The following NIPAL2 variants were observed in gnomAD, a reference collection of about 807,000 sequenced individuals.
NIPAL2 encodes the protein NIPA-like protein 2.
In NIPAL2, 43 loss-of-function variants were observed where a neutral mutation model predicts 48.9. The observed-to-expected ratio is 0.88, with a 90% CI of 0.69 to 1.13. The LOEUF (loss-of-function observed/expected upper bound fraction) is 1.13. Ranked by LOEUF, NIPAL2 falls within the 50% of genes most tolerant of loss-of-function variation. NIPAL2 has a pLI of 0.00. For synonymous variants in NIPAL2, 167 were observed against 174.6 expected (o/e 0.96, Z 0.34); for missense variants, 446 against 461.4 (o/e 0.97, Z 0.31).
rs748836913 is a variant in NIPAL2 at position 98,294,141 on chromosome 8, G to T, written c.-4C>A. ...CCGCGGGCGCCACCGCTGCCATGAG[G>T]TCTCGCTCCCGGCGCTCGGGCTCCG... On this transcript the variant is annotated 5_prime_UTR_variant, in exon 1 of 11. Transcript: ENST00000430223. 1.4e-5 allele frequency: 20 copies of T among 1,406,324 alleles called. No individual in the cohort carries two copies. The South Asian group carries it at 1.9e-4, about 13-fold the overall frequency. 87.1% of individuals were successfully genotyped at this position (1,406,324 alleles called of 1,614,324 possible).
At chr8:98,209,434 C>A (rs1268884754) in intron 6 of NIPAL2, among the ~76,000 whole-genome samples, 5 of 119,690 alleles carry the variant, frequency 4.2e-5, no homozygotes, top group African/African-American at 1.3e-4. Flanking sequence ...CATGGGGATA[C>A]CCTGTCTCTC....
chr8:98,261,157 A>C (rs942439874), intron 1 of NIPAL2, among the ~76,000 whole-genome samples: 1 of 151,346 alleles, frequency 6.6e-6, no homozygotes, highest in African/African-American at 2.4e-5. Context: ...CCAAAAGTAG[A>C]TAAAACCACA....
At chr8:98,204,974 G>A in intron 7 of NIPAL2, 137 bp downstream of exon 7, 1 of 895,238 alleles carries the variant, frequency 1.1e-6, no homozygotes, top group Non-Finnish European at 1.8e-6. Flanking sequence ...CATGTTGGCT[G>A]AGGACAAGCT....
chr8:98,262,414 A>G (rs1265784156), intron 1 of NIPAL2, among the ~76,000 whole-genome samples: 1 of 150,110 alleles, frequency 6.7e-6, no homozygotes, highest in Non-Finnish European at 1.5e-5. Flanking sequence ...CATAGGCTCA[A>G]AATAAAAGGA....
In NIPAL2 at chr8:98,192,871, G is replaced by T; in HGVS notation, c.*107C>A. 1 of 712,432 alleles carries T rather than the reference G, an allele frequency of 1.4e-6. No individual in the cohort carries two copies. Among genetic ancestry groups the T allele is most frequent in the South Asian group, 1.6e-5 (1 of 63,738 alleles). The allele number at this position is 712,432 out of a possible 1,614,324, so 44.1% of individuals were successfully genotyped here. Reference sequence around the variant, plus strand: ...GGTGGGGGAAAGGACTGAAATGAATGCTAGCACATGTTAGCTTATAAAAGA... The same window carrying T: ...GGTGGGGGAAAGGACTGAAATGAATTCTAGCACATGTTAGCTTATAAAAGA... On this transcript the variant is annotated 3_prime_UTR_variant, in exon 11 of 11. Coordinates refer to ENST00000430223, the MANE Select transcript of NIPAL2 (RefSeq NM_001321635.2).
chr8:98,294,111 G>C lies in NIPAL2; in HGVS notation c.27C>G (p.Pro9=). 6.8e-7 allele frequency: 1 copy of C among 1,475,212 alleles called. No homozygotes were observed. The highest frequency in any genetic ancestry group is 1.3e-5 in the South Asian group (1 of 76,176). The allele number at this position is 1,475,212 out of a possible 1,614,324, so 91.4% of individuals were successfully genotyped here. The part of the protein sequence containing the change: MAAVAPAG[P]GDSASAALDE... ...CCAGGGCGGCCGAGGCGGAGTCCCC[G>C]GGGCCCGCGGGCGCCACCGCTGCCA... The change falls in exon 1 of 11, where the codon CCC becomes CCG. Residue 9 remains proline (P), a synonymous_variant. Transcript: ENST00000430223.
intron 4 of NIPAL2, among the ~76,000 whole-genome samples, chr8:98,230,252 T>C (rs1035835277): frequency 2.2e-4 from 34 of 152,096 alleles, no homozygotes; most frequent in African/African-American, 7.7e-4. Flanking sequence ...AGCATCCTCA[T>C]TGGGGATTAA....
intron 1 of NIPAL2, among the ~76,000 whole-genome samples, chr8:98,269,130 A>G (rs1358199042): frequency 3.3e-5 from 5 of 152,126 alleles, no homozygotes; most frequent in African/African-American, 1.2e-4. Flanking sequence ...GTTACTTCCT[A>G]CACTAAGTCT....
chr8:98,235,623 TA>T (rs1812668796), intron 4 of NIPAL2, among the ~76,000 whole-genome samples: 1 of 151,770 alleles, frequency 6.6e-6, no homozygotes, highest in African/African-American at 2.4e-5. Flanking sequence ...ATGGTGTTCA[TA>T]AAATTTTATA....
intron 1 of NIPAL2, among the ~76,000 whole-genome samples, chr8:98,280,761 T>TATATATAGAGAGAGAGAGAGAG: frequency 1.0e-3 from 31 of 30,016 alleles, no homozygotes; most frequent in East Asian, 3.1e-3. Context: ...TATATATATA[T>TATATATAGAGAGAGAGAGAGAG]AGAGAGAGAG....
chr8:98,201,578 C>A (rs1810802449), intron 8 of NIPAL2, among the ~76,000 whole-genome samples: 1 of 151,982 alleles, frequency 6.6e-6, no homozygotes, highest in Non-Finnish European at 1.5e-5. Flanking sequence ...TTAGAGATGA[C>A]ATCTTGCTAT....
chr8:98,200,942 T>C (rs994058195), intron 8 of NIPAL2, among the ~76,000 whole-genome samples: 1 of 152,250 alleles, frequency 6.6e-6, no homozygotes, highest in African/African-American at 2.4e-5. Flanking sequence ...CTATTCAAGT[T>C]CTTTTCCCAT....
chr8:98,230,919 T>C (rs996850646), intron 4 of NIPAL2, among the ~76,000 whole-genome samples: 14 of 152,216 alleles, frequency 9.2e-5, no homozygotes, highest in African/African-American at 3.1e-4. Flanking sequence ...CTACTTAATA[T>C]TAAGTGCCCA....
intron 5 of NIPAL2, 26 bp downstream of exon 5, chr8:98,222,453 G>T: frequency 6.2e-7 from 1 of 1,609,612 alleles, no homozygotes; most frequent in Non-Finnish European, 8.5e-7. Flanking sequence ...TAGCTTCGGG[G>T]ATAGTAAAAT....
intron 5 of NIPAL2, among the ~76,000 whole-genome samples, chr8:98,220,388 G>C (rs1271642778): frequency 1.3e-5 from 2 of 151,400 alleles, no homozygotes. Flanking sequence ...TTCTAAAAAT[G>C]TATAATTCTG....
chr8:98,293,810 C>G (rs1030009094), intron 1 of NIPAL2, among the ~76,000 whole-genome samples, 193 bp downstream of exon 1: 1 of 152,166 alleles, frequency 6.6e-6, no homozygotes, highest in African/African-American at 2.4e-5. Context: ...GAAGACTGGG[C>G]GGACCCCCGC....
At position 98,193,440 on chromosome 8, in the gene NIPAL2, C is replaced by T. The variant is rs370427486; in HGVS notation, c.1040-350G>A. Reference sequence around the variant, plus strand: ...TCTTTTCCACGTCGAATGCATATAACAACATAGAAAAATAGCCTTTGATAG... The same window carrying T: ...TCTTTTCCACGTCGAATGCATATAATAACATAGAAAAATAGCCTTTGATAG... On this transcript the variant is annotated intron_variant, in intron 10 of 10. Transcript: ENST00000430223. The T allele has an allele frequency of 2.8e-5, 45 of 1,613,146 alleles. No homozygotes were observed. In the African/African-American group the frequency reaches 5.1e-4, roughly 18 times the overall value.
intron 3 of NIPAL2, among the ~76,000 whole-genome samples, chr8:98,244,663 C>T (rs1256382241): frequency 1.3e-5 from 2 of 149,506 alleles, no homozygotes; most frequent in Non-Finnish European, 3.0e-5. Flanking sequence ...GCTGTGGGGC[C>T]GTGGTGAACT....
chr8:98,267,239 A>G (rs997416543), intron 1 of NIPAL2, among the ~76,000 whole-genome samples: 3 of 152,182 alleles, frequency 2.0e-5, no homozygotes, highest in African/African-American at 4.8e-5. Context: ...AGAACCAGAA[A>G]TAAAAATATG....
Sources: allele counts gnomAD v4.1 joint callset (sites outside exome capture counted in the v4.1 genomes callset), GRCh38; gene constraint gnomAD v4.1.1; transcripts MANE v1.5; gene names NCBI Gene and HGNC (gene_info 2026-07-23, HGNC 2026-07-21).